The following KDSR variants were observed in gnomAD, a reference collection of about 807,000 sequenced individuals.
KDSR encodes the protein 3-dehydrosphinganine reductase.
Under a neutral mutation model 41.3 loss-of-function variants are expected in KDSR, and 23 were observed. That is an observed-to-expected ratio of 0.56 (90% CI 0.40 to 0.79). KDSR has a LOEUF of 0.79. KDSR is among the 30% of genes least tolerant of loss of function. KDSR has a pLI of 0.00. For missense variants in KDSR, 351 were observed against 416.8 expected, an observed-to-expected ratio of 0.84 and a Z score of 1.37; for synonymous variants, 138 against 151.7, an observed-to-expected ratio of 0.91 and a Z score of 0.66.
intron 9 of KDSR, among the ~76,000 whole-genome samples, chr18:63,333,620 A>T (rs908669068): frequency 6.6e-6 from 1 of 152,098 alleles, no homozygotes; most frequent in Non-Finnish European, 1.5e-5. Context: ...AAGAATGCAG[A>T]CTCTGTGCAG....
chr18:63,337,111 TGA>T (rs1491169763), intron 8 of KDSR, among the ~76,000 whole-genome samples: 1,562 of 28,050 alleles, frequency 0.056, 107 homozygotes, highest in Admixed American at 0.096. Flanking sequence ...TATATATATG[TGA>T]ATATATATAT....
Position 63,335,367 on chromosome 18 carries a change from GAAGAAA to G in KDSR, c.778-15_778-10del. ...CTGTTGAAATTTCCTTGCTAAAAGAGAAGAAAAAGAAGAGAAAGAGGGAATCCTAGT... is the reference window on the plus strand; with the variant it reads ...CTGTTGAAATTTCCTTGCTAAAAGAGAAGAAGAGAAAGAGGGAATCCTAGT... On this transcript the variant is annotated splice_polypyrimidine_tract_variant and intron_variant, in intron 8 of 9. Coordinates refer to ENST00000645214, the MANE Select transcript of KDSR (RefSeq NM_002035.4). 6.4e-7 allele frequency: 1 copy of G among 1,572,404 alleles called. No individual in the cohort carries two copies. Among genetic ancestry groups the G allele is most frequent in the Non-Finnish European group, 8.8e-7 (1 of 1,142,366 alleles).
intron 2 of KDSR, among the ~76,000 whole-genome samples, chr18:63,360,712 G>A (rs1193674818): frequency 6.6e-6 from 1 of 151,596 alleles, no homozygotes; most frequent in Non-Finnish European, 1.5e-5. Context: ...GTGAAGCCCC[G>A]TCTCTACCAA....
intron 3 of KDSR, among the ~76,000 whole-genome samples, chr18:63,357,590 A>T (rs368052905): frequency 0.067 from 6,396 of 95,014 alleles, 376 homozygotes; most frequent in African/African-American, 0.15. Flanking sequence ...ATATATATAT[A>T]TATATTTTTT....
At chr18:63,337,086 ATGTGACTT>A (rs1164774131) in intron 8 of KDSR, among the ~76,000 whole-genome samples, 6 of 39,796 alleles carry the variant, frequency 1.5e-4, no homozygotes, top group Admixed American at 5.2e-4. Flanking sequence ...ATATATATAT[ATGTGACTT>A]TATATATATA....
rs1486033114 is a variant in KDSR at position 63,355,188 on chromosome 18, A to G, written c.417+16T>C. 1 of 1,572,328 alleles carries G rather than the reference A, an allele frequency of 6.4e-7. No homozygotes were observed. Among genetic ancestry groups the G allele is most frequent in the African/African-American group, 1.3e-5 (1 of 74,234 alleles). On this transcript the variant is annotated intron_variant, in intron 5 of 9. Coordinates refer to ENST00000645214, the MANE Select transcript of KDSR (RefSeq NM_002035.4). ...TAGCATATGTGCTACTGCAGTGAGC[A>G]AACATTTTTACTTACTTCAAAGGTA...
intron 3 of KDSR, among the ~76,000 whole-genome samples, chr18:63,358,302 G>A (rs1255617583): frequency 2.0e-5 from 3 of 152,176 alleles, no homozygotes; most frequent in African/African-American, 7.2e-5. Context: ...GCTGAGAAGA[G>A]GCTGGGAGGA....
At chr18:63,358,588 G>T (rs1914869097) in intron 3 of KDSR, among the ~76,000 whole-genome samples, 1 of 152,054 alleles carries the variant, frequency 6.6e-6, no homozygotes, top group South Asian at 2.1e-4. Flanking sequence ...AAGGCAGGCA[G>T]ATCACCTGAG....
intron 6 of KDSR, among the ~76,000 whole-genome samples, chr18:63,350,288 C>T (rs1221636731): frequency 6.6e-6 from 1 of 152,240 alleles, no homozygotes; most frequent in Admixed American, 6.5e-5. Context: ...ATCCTAACTA[C>T]ATCCTTCTTC....
Position 63,329,050 on chromosome 18 carries a change from A to G in KDSR, c.*2732T>C, listed in dbSNP as rs961222369. 5 of 197,730 alleles carry G rather than the reference A, an allele frequency of 2.5e-5. No homozygotes were observed. Among genetic ancestry groups the G allele is most frequent in the Non-Finnish European group, 4.2e-5 (4 of 95,604 alleles). The allele number at this position is 197,730 out of a possible 1,614,324, so 12.2% of individuals were successfully genotyped here. On this transcript the variant is annotated 3_prime_UTR_variant, in exon 10 of 10. Transcript: ENST00000645214. The stretch of plus-strand genomic sequence containing the variant: ...AGTCATTAGTTTCCGTAACAATCAC[A>G]CTCAGGGTTGGTTCTTTTTTTCTTC...
chr18:63,340,785 T>A (rs2144354692), intron 7 of KDSR, among the ~76,000 whole-genome samples: 1 of 152,316 alleles, frequency 6.6e-6, no homozygotes. Flanking sequence ...GATTAGCAAT[T>A]TACTAACCAG....
In KDSR at chr18:63,331,794, G is replaced by C. The variant is rs1914009608; in HGVS notation, c.987C>G (p.Asp329Glu). 18 of 1,613,664 alleles carry C rather than the reference G, an allele frequency of 1.1e-5. No individual in the cohort carries two copies. The East Asian group carries it at 2.5e-4, about 22-fold the overall frequency. Residue 329 changes from aspartate to glutamate, a missense_variant, in exon 10 of 10, where the codon GAC becomes GAG. Transcript: ENST00000645214. ...MMQREKSENA[D>E]KTA ...AGGGGTAAGAAGATTAGGCAGTTTT[G>C]TCTGCATTTTCAGATTTTTCTCTCT...
intron 6 of KDSR, chr18:63,345,232 T>C (rs1914464651): frequency 6.6e-6 from 1 of 152,286 alleles, no homozygotes; most frequent in Non-Finnish European, 1.5e-5. Context: ...TATCTGAAAC[T>C]CTATGTGGCT....
intron 4 of KDSR, 30 bp from the exon 5 acceptor site, chr18:63,355,329 G>T (rs1368259975): frequency 6.2e-7 from 1 of 1,606,886 alleles, no homozygotes; most frequent in South Asian, 1.1e-5. Flanking sequence ...CAGGCATTAA[G>T]AAACAGAGAA....
At position 63,355,255 on chromosome 18, in the gene KDSR, T is replaced by G; in HGVS notation, c.366A>C (p.Ala122=). The stretch of plus-strand genomic sequence containing the variant: ...CAAATTTTCCTGACACTGCCATTCC[T>G]GCACAATTTACCAGCATGTCCACTG... The part of the protein sequence containing the change: ...LGPVDMLVNC[A]GMAVSGKFED... The change falls in exon 5 of 10, where the codon GCA becomes GCC. Residue 122 remains alanine, a synonymous_variant. Coordinates refer to ENST00000645214, the MANE Select transcript of KDSR (RefSeq NM_002035.4). The G allele has an allele frequency of 3.1e-6, 5 of 1,614,202 alleles. No homozygotes were observed. Among genetic ancestry groups the G allele is most frequent in the Middle Eastern group, 1.6e-4 (1 of 6,062 alleles).
chr18:63,340,367 G>A (rs969850152), intron 7 of KDSR, among the ~76,000 whole-genome samples: 1 of 152,138 alleles, frequency 6.6e-6, no homozygotes, highest in Non-Finnish European at 1.5e-5. Context: ...AGAATAGGGG[G>A]AAAAAACCTA....
intron 6 of KDSR, among the ~76,000 whole-genome samples, chr18:63,350,388 A>G (rs1398933568): frequency 6.6e-6 from 1 of 152,228 alleles, no homozygotes; most frequent in Admixed American, 6.5e-5. Flanking sequence ...TGGGAGAGTC[A>G]AATTATTGCT....
At chr18:63,344,329 G>A (rs1245626254) in intron 7 of KDSR, 81 bp downstream of exon 7, 3 of 930,330 alleles carry the variant, frequency 3.2e-6, no homozygotes, top group Non-Finnish European at 5.2e-6. Flanking sequence ...TGGTGAAAAC[G>A]AGTGTGAGCT....
At chr18:63,349,347 C>T (rs564100352) in intron 6 of KDSR, among the ~76,000 whole-genome samples, 49 of 152,070 alleles carry the variant, frequency 3.2e-4, no homozygotes, top group African/African-American at 8.2e-4. Context: ...TGTGCCACTG[C>T]GCTCCAGCCT....
Sources: allele counts gnomAD v4.1 joint callset (sites outside exome capture counted in the v4.1 genomes callset), GRCh38; gene constraint gnomAD v4.1.1; transcripts MANE v1.5; gene names NCBI Gene and HGNC (gene_info 2026-07-23, HGNC 2026-07-21).